RGS9: variants seen among roughly 807,000 people sequenced by gnomAD.
RGS9 encodes the protein regulator of G protein signaling 9.
RGS9 carries 78 observed loss-of-function variants against 102.0 expected under a neutral mutation model. The observed-to-expected ratio is 0.76, with a 90% CI of 0.64 to 0.92. The LOEUF (loss-of-function observed/expected upper bound fraction) is 0.92. Ranked by LOEUF, RGS9 falls within the 40% of genes least tolerant of loss-of-function variation. The pLI, the probability that RGS9 is intolerant of heterozygous loss-of-function variation, is 0.00. For synonymous variants in RGS9, 353 were observed against 318.6 expected, an observed-to-expected ratio of 1.11 and a Z score of -1.15; for missense variants, 833 against 866.1, an observed-to-expected ratio of 0.96 and a Z score of 0.48.
chr17:65,170,369 T>C (rs557468107), intron 8 of RGS9, among the ~76,000 whole-genome samples: 122 of 152,186 alleles, frequency 8.0e-4, no homozygotes, highest in Non-Finnish European at 1.4e-3. Context: ...TGCATTCTTA[T>C]TGAACCTTTG....
intron 9 of RGS9, among the ~76,000 whole-genome samples, chr17:65,178,299 T>C (rs1911724027): frequency 6.6e-6 from 1 of 152,018 alleles, no homozygotes; most frequent in Non-Finnish European, 1.5e-5. Flanking sequence ...TGGAGTGGGA[T>C]CTTTGTAAAG....
At chr17:65,227,174 C>T (rs1905725416) in intron 18 of RGS9, 101 bp from the exon 19 acceptor site, 3 of 1,540,548 alleles carry the variant, frequency 1.9e-6, no homozygotes, top group Admixed American at 3.4e-5. Flanking sequence ...TTGGCAAATG[C>T]ACCTGGTATG....
rs1168599085 is a variant in RGS9, at chr17:65,197,248, C to T, written c.976+7C>T. The stretch of plus-strand genomic sequence containing the variant: ...CTCAAGAAAGAATTCAGTGGTGGGT[C>T]TTTGTTTACAAAAAAAAATTAAAAT... On this transcript the variant is annotated splice_region_variant and intron_variant, in intron 13 of 18. Coordinates refer to ENST00000262406, the MANE Select transcript of RGS9 (RefSeq NM_003835.4). 2 of 1,551,424 alleles carry T rather than the reference C, an allele frequency of 1.3e-6. No individual in the cohort carries two copies. The highest frequency in any genetic ancestry group is 1.8e-6 in the Non-Finnish European group (2 of 1,125,230).
chr17:65,179,257 G>T (rs1911759934), intron 9 of RGS9, among the ~76,000 whole-genome samples: 1 of 152,156 alleles, frequency 6.6e-6, no homozygotes, highest in Non-Finnish European at 1.5e-5. Flanking sequence ...GTTTGCTTTT[G>T]CTCCCTGGAG....
chr17:65,200,089 T>C (rs1912769484), intron 13 of RGS9, among the ~76,000 whole-genome samples: 1 of 152,128 alleles, frequency 6.6e-6, no homozygotes, highest in African/African-American at 2.4e-5. Flanking sequence ...TGGAGTGCAA[T>C]GGTACCATCT....
At chr17:65,202,183 C>T in intron 14 of RGS9, 103 bp downstream of exon 14, 1 of 779,418 alleles carries the variant, frequency 1.3e-6, no homozygotes, top group Non-Finnish European at 2.3e-6. Context: ...AGCCTGGTAG[C>T]TGGCTGGGCC....
chr17:65,205,524 T>A (rs1200528099), intron 15 of RGS9, among the ~76,000 whole-genome samples: 3 of 152,158 alleles, frequency 2.0e-5, no homozygotes, highest in Non-Finnish European at 4.4e-5. Flanking sequence ...ATGATATAGG[T>A]TATGTGATAT....
At chr17:65,226,061 G>A (rs554952000) in intron 18 of RGS9, among the ~76,000 whole-genome samples, 2 of 152,306 alleles carry the variant, frequency 1.3e-5, no homozygotes, top group South Asian at 4.1e-4. Context: ...CTGAGGGGGG[G>A]CCCCTCTAAA....
intron 17 of RGS9, among the ~76,000 whole-genome samples, chr17:65,217,372 C>G (rs1913556153): frequency 6.6e-6 from 1 of 152,184 alleles, no homozygotes; most frequent in Admixed American, 6.5e-5. Context: ...TAAGAAGTCA[C>G]AGAGAGTTTG....
chr17:65,193,254 CAAAA>C (rs377349682), intron 11 of RGS9, among the ~76,000 whole-genome samples: 3 of 83,158 alleles, frequency 3.6e-5, no homozygotes, highest in Non-Finnish European at 5.2e-5. Context: ...TTGGCTGTCT[CAAAA>C]AAAAAAAAAA....
Position 65,227,483 on chromosome 17 carries a change from C to T in RGS9, c.*76C>T, listed in dbSNP as rs1224054745. 2.9e-5 allele frequency: 45 copies of T among 1,543,862 alleles called. No homozygotes were observed. In the East Asian group the frequency reaches 1.1e-3, roughly 37 times the overall value. On this transcript the variant is annotated 3_prime_UTR_variant, in exon 19 of 19. Transcript: ENST00000262406. ...AGATGCCATGGTATGGGCCACAGGACACACTTGCTCGAGAACCAAAGTGCA... is the reference window on the plus strand; with the variant it reads ...AGATGCCATGGTATGGGCCACAGGATACACTTGCTCGAGAACCAAAGTGCA...
At chr17:65,168,109 G>T (rs1911262680) in intron 7 of RGS9, 91 bp from the exon 8 acceptor site, 12 of 801,174 alleles carry the variant, frequency 1.5e-5, no homozygotes, top group Non-Finnish European at 2.5e-5. Context: ...GGCAGGTTGG[G>T]AGAGGGGTCT....
intron 9 of RGS9, among the ~76,000 whole-genome samples, chr17:65,179,178 G>C (rs1207863224): frequency 2.0e-5 from 3 of 152,178 alleles, no homozygotes; most frequent in Non-Finnish European, 4.4e-5. Flanking sequence ...GCAGGGGAAG[G>C]AGGAGGGTGG....
chr17:65,161,253 G>GTT (rs199539164), intron 6 of RGS9, among the ~76,000 whole-genome samples: 1 of 151,876 alleles, frequency 6.6e-6, no homozygotes, highest in Admixed American at 6.6e-5. Flanking sequence ...AACTTGAATT[G>GTT]TTTTTTTTGT....
intron 7 of RGS9, among the ~76,000 whole-genome samples, chr17:65,167,209 A>AT (rs891363309): frequency 2.6e-5 from 4 of 151,118 alleles, no homozygotes; most frequent in South Asian, 2.1e-4. Flanking sequence ...TTATTTATTT[A>AT]TTTTTTTTTG....
In RGS9 at chr17:65,189,126, G is replaced by A. The variant is rs1239182748; in HGVS notation, c.655-160G>A. The A allele has an allele frequency of 9.0e-6, 6 of 663,656 alleles. No individual in the cohort carries two copies. The African/African-American group carries it at 1.1e-4, about 12-fold the overall frequency. The allele number at this position is 663,656 out of a possible 1,614,324, so 41.1% of individuals were successfully genotyped here. A position where few individuals can be genotyped will look rare whatever the true frequency, so the allele number is the denominator to read the frequency against. ...GTATTTATTCCCCAGGGGTTACATA[G>A]AATAGAGTGGAGGCAGTAGACATGG... On this transcript the variant is annotated intron_variant, in intron 9 of 18. Transcript: ENST00000262406.
chr17:65,205,572 G>A (rs982765668), intron 15 of RGS9, among the ~76,000 whole-genome samples: 17 of 151,860 alleles, frequency 1.1e-4, no homozygotes, highest in African/African-American at 4.1e-4. Flanking sequence ...TAGGTTATAT[G>A]AGATTATATG....
chr17:65,152,855 T>C (rs952391215), intron 1 of RGS9, among the ~76,000 whole-genome samples: 1 of 152,258 alleles, frequency 6.6e-6, no homozygotes, highest in African/African-American at 2.4e-5. Flanking sequence ...CTGGGCTGTA[T>C]GCAATAGCTT....
chr17:65,146,502 C>T (rs569536303), intron 1 of RGS9, among the ~76,000 whole-genome samples: 407 of 150,986 alleles, frequency 2.7e-3, no homozygotes, highest in Non-Finnish European at 4.9e-3. Context: ...GCAGGAGAAT[C>T]GCTTGAACCT....
Sources: gnomAD v4.1 joint callset for allele counts (sites outside exome capture counted in the v4.1 genomes callset) on GRCh38, gnomAD v4.1.1 for gene constraint, MANE v1.5 for transcripts, NCBI Gene and HGNC (gene_info 2026-07-23, HGNC 2026-07-21) for gene names.